ZZEF1: variants seen among roughly 807,000 people sequenced by gnomAD.
The protein encoded by ZZEF1 is zinc finger ZZ-type and EF-hand domain-containing protein 1.
Under a neutral mutation model 342.8 loss-of-function variants are expected in ZZEF1, and 157 were observed. The observed-to-expected ratio is 0.46, with a 90% CI of 0.40 to 0.52. The LOEUF (loss-of-function observed/expected upper bound fraction) is 0.52, where lower values mean the gene tolerates loss of function less well. Ranked by LOEUF, ZZEF1 falls within the 20% of genes least tolerant of loss-of-function variation. The probability of loss-of-function intolerance (pLI) is 0.00; values close to 1 mark genes in which losing one functional copy is unlikely to be tolerated. For synonymous variants in ZZEF1, 1,505 were observed against 1,429.1 expected (o/e 1.05, Z -1.20); for missense variants, 3,480 against 3,725.6 (o/e 0.93, Z 1.72).
intron 1 of ZZEF1, among the ~76,000 whole-genome samples, chr17:4,131,241 G>A (rs796133427): frequency 1.9e-4 from 29 of 152,148 alleles, no homozygotes; most frequent in African/African-American, 6.7e-4. Context: ...GATGACACCC[G>A]CACAGCCGAC....
At position 4,077,262 on chromosome 17, in the gene ZZEF1, C is replaced by T. The variant is rs375544599; in HGVS notation, c.2990-273G>A. Among the ~76,000 whole-genome samples, 40 of 152,216 alleles carry T rather than the reference C, an allele frequency of 2.6e-4. No individual in the cohort carries two copies. In the East Asian group the frequency reaches 4.6e-3, roughly 18 times the overall value. ...AAGTGAAATTCCATGCCTGACTAACCCAGCTGTCAGCCTCTCCTTTTCCTT... is the reference window on the plus strand; with the variant it reads ...AAGTGAAATTCCATGCCTGACTAACTCAGCTGTCAGCCTCTCCTTTTCCTT... On this transcript the variant is annotated intron_variant, in intron 19 of 54. Transcript: ENST00000381638.
At chr17:4,139,735 G>A (rs1175249563) in intron 1 of ZZEF1, among the ~76,000 whole-genome samples, 1 of 152,180 alleles carries the variant, frequency 6.6e-6, no homozygotes, top group Admixed American at 6.6e-5. Context: ...TCACAATCAG[G>A]TTTTTAAACC....
chr17:4,033,212 T>C, intron 40 of ZZEF1: 2 of 486,500 alleles, frequency 4.1e-6, no homozygotes, highest in Non-Finnish European at 7.2e-6. Flanking sequence ...CCTACGGCTG[T>C]GTTTCCAAAA....
At chr17:4,118,273 C>T (rs2058430181) in intron 2 of ZZEF1, among the ~76,000 whole-genome samples, 1 of 152,184 alleles carries the variant, frequency 6.6e-6, no homozygotes, top group Admixed American at 6.5e-5. Flanking sequence ...GGTCAGAAAG[C>T]ACCCAGTTCA....
rs773320499 is a variant in ZZEF1, at chr17:4,064,506, G to A, written c.4573C>T (p.Arg1525Trp). The A allele has an allele frequency of 1.2e-5, 20 of 1,614,076 alleles. No individual in the cohort carries two copies. Among genetic ancestry groups the A allele is most frequent in the South Asian group, 3.3e-5 (3 of 91,084 alleles). Reference protein sequence around the residue: ...EPLSPSTPTRRPPFTRGRLRL... With the variant: ...EPLSPSTPTRWPPFTRGRLRL... Reference sequence around the variant, plus strand: ...AGTCGCCCTCGGGTGAAGGGAGGCCGGCGGGTGGGTGTGGAAGGTGACAAG... The same window carrying A: ...AGTCGCCCTCGGGTGAAGGGAGGCCAGCGGGTGGGTGTGGAAGGTGACAAG... The change falls in exon 29 of 55, where the codon CGG becomes TGG. Residue 1525 changes from arginine to tryptophan, a missense_variant. By Grantham distance (101) the Arg-to-Trp change is moderately radical. Coordinates refer to ENST00000381638, the MANE Select transcript of ZZEF1 (RefSeq NM_015113.4).
At chr17:4,018,049 ATGTTCTTCAGAGT>A in intron 46 of ZZEF1, 78 bp from the exon 47 acceptor site, 2 of 1,567,578 alleles carry the variant, frequency 1.3e-6, no homozygotes, top group Non-Finnish European at 1.7e-6. Context: ...CTTGTTGGCA[ATGTTCTTCAGAGT>A]TGTTCTTCTG....
rs951462608 is a variant in ZZEF1, at chr17:4,076,439, T to C, written c.3234+198A>G. 1.0e-5 allele frequency: 6 copies of C among 585,610 alleles called. No homozygotes were observed. In the African/African-American group the frequency reaches 1.1e-4, roughly 11 times the overall value. The allele number at this position is 585,610 out of a possible 1,614,324, so 36.3% of individuals were successfully genotyped here. A position where few individuals can be genotyped will look rare whatever the true frequency, so the allele number is the denominator to read the frequency against. On this transcript the variant is annotated intron_variant, in intron 21 of 54. Coordinates refer to ENST00000381638, the MANE Select transcript of ZZEF1 (RefSeq NM_015113.4). ...TGAGCCACTGCGCCCGGCCTCTGCG[T>C]CTCCTTTCTAATGCTGACCAGGCCA... is the stretch of plus-strand genomic sequence containing the variant.
intron 1 of ZZEF1, among the ~76,000 whole-genome samples, chr17:4,125,007 C>T (rs1390257696): frequency 6.6e-6 from 1 of 152,202 alleles, no homozygotes; most frequent in African/African-American, 2.4e-5. Context: ...TATTGTCAAC[C>T]TCACAGGCTG....
chr17:4,127,505 T>C (rs970540071), intron 1 of ZZEF1, among the ~76,000 whole-genome samples: 4 of 152,100 alleles, frequency 2.6e-5, no homozygotes, highest in Admixed American at 2.6e-4. Flanking sequence ...TAGAACAAAT[T>C]AAATTGGCCT....
chr17:4,142,924 G>A lies in ZZEF1; in HGVS notation c.-29C>T. On this transcript the variant is annotated 5_prime_UTR_variant, in exon 1 of 55. Coordinates refer to ENST00000381638, the MANE Select transcript of ZZEF1 (RefSeq NM_015113.4). ...GTCTCCGTCTTGGGCGCCTGGCTCT[G>A]CAGCCGCCGCCGCCGCCTCCCCGCC... 1 of 1,304,140 alleles carries A rather than the reference G, an allele frequency of 7.7e-7. No individual in the cohort carries two copies. 80.8% of individuals were successfully genotyped at this position (1,304,140 alleles called of 1,614,324 possible). A position where few individuals can be genotyped will look rare whatever the true frequency, so the allele number is the denominator to read the frequency against.
intron 1 of ZZEF1, among the ~76,000 whole-genome samples, chr17:4,131,075 C>A (rs1403446337): frequency 3.3e-5 from 5 of 152,120 alleles, no homozygotes; most frequent in Admixed American, 2.6e-4. Context: ...ATCATTCTTA[C>A]ACATGCAAGG....
chr17:4,097,529 C>A (rs2058058359), intron 9 of ZZEF1, among the ~76,000 whole-genome samples: 2 of 148,126 alleles, frequency 1.4e-5, no homozygotes, highest in South Asian at 4.3e-4. Flanking sequence ...AGCCAACATA[C>A]CCTTTCGGTC....
rs2056041614 is a variant in ZZEF1 at position 4,014,233 on chromosome 17, G to C, written c.8315-45C>G. ...AGGCCCATCAGGAACTGAAGCAACA[G>C]GGAATGGCAGCAGTGGTGTTGGGTT... On this transcript the variant is annotated intron_variant, in intron 50 of 54. Transcript: ENST00000381638. This position sits in a 1 kb window ranked among gnomAD's most constrained non-coding sequence, Gnocchi z 4.4. 6.2e-7 allele frequency: 1 copy of C among 1,611,418 alleles called. No individual in the cohort carries two copies.
chr17:4,010,740 A>AAAAAAAG (rs1350188298), intron 52 of ZZEF1, among the ~76,000 whole-genome samples: 2 of 149,250 alleles, frequency 1.3e-5, no homozygotes, highest in African/African-American at 5.1e-5. Flanking sequence ...AAAAAAGAAA[A>AAAAAAAG]AGAAAAAAGA....
At chr17:4,032,581 T>C (rs2290440) in intron 41 of ZZEF1, among the ~76,000 whole-genome samples, 28,641 of 152,136 alleles carry the variant, frequency 0.19, 2,738 homozygotes, top group Middle Eastern at 0.23. Flanking sequence ...TATATTACAG[T>C]CACCTATTAT....
chr17:4,094,402 G>T (rs2057997829), intron 11 of ZZEF1, among the ~76,000 whole-genome samples: 1 of 151,858 alleles, frequency 6.6e-6, no homozygotes, highest in Non-Finnish European at 1.5e-5. Flanking sequence ...ACCTATCTTG[G>T]CCTACCAAAA....
rs1248572984 is a variant in ZZEF1, at chr17:4,013,522, A to G, written c.8506T>C (p.Cys2836Arg). 2 of 1,614,056 alleles carry G rather than the reference A, an allele frequency of 1.2e-6. No homozygotes were observed. Among genetic ancestry groups the G allele is most frequent in the African/African-American group, 2.7e-5 (2 of 74,942 alleles). The change falls in exon 52 of 55, where the codon TGT (cysteine) becomes CGT (arginine). Residue 2836 changes from cysteine to arginine, a missense_variant. Coordinates refer to ENST00000381638, the MANE Select transcript of ZZEF1 (RefSeq NM_015113.4). ...AATCGTTGATGGCCAGTCTGGCGAC[A>G]GGCCACGCCCACCAGCCATTCCCAA... ...KIWEWLVGVACRQTGHQRLKA... is the reference protein window; with the variant it reads ...KIWEWLVGVARRQTGHQRLKA...
rs113599284 is a variant in ZZEF1 at position 4,075,800 on chromosome 17, T to C, written c.3235-371A>G. 1.6e-3 allele frequency among the ~76,000 whole-genome samples: 234 copies of C among 150,016 alleles called. 3 individuals are homozygous for C. Among genetic ancestry groups the C allele is most frequent in the African/African-American group, 5.6e-3 (226 of 40,494 alleles). On this transcript the variant is annotated intron_variant, in intron 21 of 54. Transcript: ENST00000381638. ...CTGGCAAATCTGGATCTACTCTCCC[T>C]TCCTCTCCTACCCTTTTCTTTTGAG...
chr17:4,031,270 C>A (rs980043199), intron 42 of ZZEF1, among the ~76,000 whole-genome samples: 3 of 151,512 alleles, frequency 2.0e-5, no homozygotes, highest in Non-Finnish European at 2.9e-5. Flanking sequence ...GAGCTGAGAT[C>A]GTGTCACCGC....
Sources: allele counts gnomAD v4.1 joint callset (sites outside exome capture counted in the v4.1 genomes callset), GRCh38; gene constraint gnomAD v4.1.1; non-coding constraint Gnocchi (gnomAD v3.1); transcripts MANE v1.5; gene names NCBI Gene and HGNC (gene_info 2026-07-23, HGNC 2026-07-21).